EXOSC10: variants seen among roughly 807,000 people sequenced by gnomAD.
The protein encoded by EXOSC10 is exosome complex component 10.
EXOSC10 carries 94 observed loss-of-function variants against 126.6 expected under a neutral mutation model. That is an observed-to-expected ratio of 0.74 (90% CI 0.63 to 0.88). The LOEUF is 0.88. Ranked by LOEUF, EXOSC10 falls within the 40% of genes least tolerant of loss-of-function variation. EXOSC10 has a pLI of 0.00. For missense variants in EXOSC10, 1,041 were observed against 1,100.5 expected (o/e 0.95, Z 0.77); for synonymous variants, 395 against 400.8 (o/e 0.99, Z 0.17).
chr1:11,070,265 T>TAAAAAAAAAA, intron 21 of EXOSC10, among the ~76,000 whole-genome samples: 1 of 100,594 alleles, frequency 9.9e-6, no homozygotes, highest in Non-Finnish European at 1.8e-5. Context: ...AAAAGGAAAT[T>TAAAAAAAAAA]AAAAAAAAAA....
chr1:11,082,412 CA>C, intron 10 of EXOSC10: 1 of 604,276 alleles, frequency 1.7e-6, no homozygotes. Context: ...CAGTTTCAAA[CA>C]AAAGACCAGC....
At chr1:11,081,421 G>C (rs1018573538) in intron 10 of EXOSC10, among the ~76,000 whole-genome samples, 183 bp from the exon 11 acceptor site, 4 of 152,164 alleles carry the variant, frequency 2.6e-5, no homozygotes, top group African/African-American at 9.7e-5. Context: ...TTTAACAGCT[G>C]GGTAGAATTG....
In EXOSC10 at chr1:11,076,876, C is replaced by T. The variant is rs370147496; in HGVS notation, c.1952G>A (p.Cys651Tyr). 3.7e-6 allele frequency: 6 copies of T among 1,613,692 alleles called. No homozygotes were observed. The highest frequency in any genetic ancestry group is 5.1e-6 in the Non-Finnish European group (6 of 1,180,018). The change falls in exon 17 of 25, where the codon TGC (cysteine) becomes TAC (tyrosine). Residue 651 changes from cysteine to tyrosine, a missense_variant. Physicochemically the swap from Cys to Tyr is radical, Grantham distance 194. Coordinates refer to ENST00000376936, the MANE Select transcript of EXOSC10 (RefSeq NM_001001998.3). ...CGTGATGACAGCTGTGGCAATCAGGCATGTGGTACCCAGCAAGTTATCTTC... is the reference window on the plus strand; with the variant it reads ...CGTGATGACAGCTGTGGCAATCAGGTATGTGGTACCCAGCAAGTTATCTTC... ...EKEDNLLGTT[C>Y]LIATAVITLF...
intron 3 of EXOSC10, among the ~76,000 whole-genome samples, chr1:11,091,903 T>C (rs1457752019): frequency 6.6e-6 from 1 of 152,212 alleles, no homozygotes; most frequent in African/African-American, 2.4e-5. Flanking sequence ...TTGGCCAGGC[T>C]GGTCTCGAAC....
At position 11,091,562 on chromosome 1, in the gene EXOSC10, C is replaced by T. The variant is rs146190133; in HGVS notation, c.408G>A (p.Lys136=). The change falls in exon 4 of 25, where the codon AAG becomes AAA. Residue 136 remains lysine, a synonymous_variant. Coordinates refer to ENST00000376936, the MANE Select transcript of EXOSC10 (RefSeq NM_001001998.3). ...CGGCAGGGAGGACAGGCTGTTGATT[C>T]TTGTTTACACCTGAGGCTTCATCCA... ...ILLDEASGVN[K]NQQPVLPAGL... 12 of 1,614,156 alleles carry T rather than the reference C, an allele frequency of 7.4e-6. No homozygotes were observed. In the African/African-American group the frequency reaches 1.5e-4, roughly 20 times the overall value.
chr1:11,091,449 T>C (rs762906759), intron 4 of EXOSC10, 44 bp downstream of exon 4: 5 of 1,517,220 alleles, frequency 3.3e-6, no homozygotes, highest in East Asian at 2.3e-5. Context: ...ATCTCTGTTA[T>C]GAAGCTGACA....
At chr1:11,080,328 T>C (rs1367035427) in intron 13 of EXOSC10, among the ~76,000 whole-genome samples, 171 bp downstream of exon 13, 2 of 152,092 alleles carry the variant, frequency 1.3e-5, no homozygotes, top group Non-Finnish European at 2.9e-5. Flanking sequence ...AGTGCTTAAA[T>C]GGCAGCCTGA....
chr1:11,075,888 G>A (rs747475045), intron 17 of EXOSC10, among the ~76,000 whole-genome samples: 23 of 133,636 alleles, frequency 1.7e-4, no homozygotes, highest in Non-Finnish European at 2.2e-4. Context: ...AAAAAATGCC[G>A]GGTGTGGTGG....
chr1:11,093,516 G>A (rs927721300), intron 3 of EXOSC10, among the ~76,000 whole-genome samples: 1 of 152,180 alleles, frequency 6.6e-6, no homozygotes, highest in African/African-American at 2.4e-5. Flanking sequence ...TGGGACAGGA[G>A]GGCATGATTT....
chr1:11,082,211 G>T (rs891645688), intron 10 of EXOSC10, among the ~76,000 whole-genome samples: 29 of 152,150 alleles, frequency 1.9e-4, no homozygotes, highest in Middle Eastern at 3.2e-3. Context: ...ACCAAGCTGA[G>T]CAAGGCCTGC....
At chr1:11,081,507 G>T (rs1381295987) in intron 10 of EXOSC10, among the ~76,000 whole-genome samples, 1 of 152,156 alleles carries the variant, frequency 6.6e-6, no homozygotes, top group African/African-American at 2.4e-5. Context: ...AGTAGAAAAG[G>T]GGCCACTGGT....
intron 22 of EXOSC10, 124 bp from the exon 23 acceptor site, chr1:11,068,830 C>A (rs141527077): frequency 3.9e-6 from 3 of 769,132 alleles, no homozygotes; most frequent in African/African-American, 3.4e-5. Context: ...ACCCCTGTCA[C>A]GATGAGGGGC....
At chr1:11,083,337 G>A (rs1640277615) in intron 9 of EXOSC10, among the ~76,000 whole-genome samples, 1 of 152,100 alleles carries the variant, frequency 6.6e-6, no homozygotes, top group Non-Finnish European at 1.5e-5. Flanking sequence ...CAAGGTGGGT[G>A]GATTGCTTGA....
chr1:11,090,511 G>C, intron 6 of EXOSC10, 43 bp downstream of exon 6: 1 of 1,495,186 alleles, frequency 6.7e-7, no homozygotes, highest in Non-Finnish European at 9.3e-7. Context: ...TGGCAAAAAG[G>C]TAAGTACTCA....
At chr1:11,099,514 G>A (rs12136339) in intron 1 of EXOSC10, among the ~76,000 whole-genome samples, 14,772 of 152,276 alleles carry the variant, frequency 0.097, 1,200 homozygotes, top group South Asian at 0.2. Context: ...CATGGACTTA[G>A]GCTCGCAAGC....
At chr1:11,084,258 T>C (rs917118020) in intron 9 of EXOSC10, among the ~76,000 whole-genome samples, 3 of 152,196 alleles carry the variant, frequency 2.0e-5, no homozygotes, top group Non-Finnish European at 4.4e-5. Context: ...TGTAAAAGTG[T>C]TCCTATTTCT....
At chr1:11,072,065 G>C (rs751921423) in intron 20 of EXOSC10, 22 bp downstream of exon 20, 1 of 1,594,558 alleles carries the variant, frequency 6.3e-7, no homozygotes, top group South Asian at 1.1e-5. Flanking sequence ...AGCCGACTGA[G>C]TTGCAAGGAA....
At chr1:11,069,511 C>A (rs774366118) in intron 22 of EXOSC10, 48 bp downstream of exon 22, 1 of 1,589,208 alleles carries the variant, frequency 6.3e-7, no homozygotes, top group Admixed American at 1.8e-5. Context: ...GCTTCCTCCC[C>A]TCTGACGCGC....
intron 14 of EXOSC10, among the ~76,000 whole-genome samples, chr1:11,079,132 C>A (rs1639992217): frequency 6.6e-6 from 1 of 151,926 alleles, no homozygotes; most frequent in Non-Finnish European, 1.5e-5. Flanking sequence ...GAGTTCGAGA[C>A]CAGCCTGGCC....
Sources: allele counts gnomAD v4.1 joint callset (sites outside exome capture counted in the v4.1 genomes callset), GRCh38; gene constraint gnomAD v4.1.1; transcripts MANE v1.5; gene names NCBI Gene and HGNC (gene_info 2026-07-23, HGNC 2026-07-21).